The following SORCS1 variants were observed in gnomAD, a reference collection of about 807,000 sequenced individuals.
SORCS1 encodes sortilin related VPS10 domain containing receptor 1, also known as VPS10 domain-containing receptor SorCS1.
SORCS1 carries 60 observed loss-of-function variants against 146.1 expected under a neutral mutation model. The ratio of observed to expected loss-of-function variants is 0.41; its 90% confidence interval spans 0.33 to 0.51. SORCS1 has a LOEUF of 0.51. SORCS1 is among the 20% of genes least tolerant of loss of function. The probability of loss-of-function intolerance (pLI) is 0.21; values close to 1 mark genes in which losing one functional copy is unlikely to be tolerated. For synonymous variants in SORCS1, 637 were observed against 584.0 expected, an observed-to-expected ratio of 1.09 and a Z score of -1.31; for missense variants, 1,352 against 1,487.6, an observed-to-expected ratio of 0.91 and a Z score of 1.50.
intron 3 of SORCS1, among the ~76,000 whole-genome samples, chr10:106,823,801 G>A (rs913804614): frequency 3.3e-5 from 5 of 152,096 alleles, no homozygotes; most frequent in South Asian, 4.1e-4. Context: ...CACTTTCAAG[G>A]TCTAATGATC....
At position 106,893,373 on chromosome 10, in the gene SORCS1, T is replaced by C. The variant is rs115932490; in HGVS notation, c.626+63140A>G. On this transcript the variant is annotated intron_variant, in intron 2 of 25. Coordinates refer to ENST00000263054, the MANE Select transcript of SORCS1 (RefSeq NM_052918.5). ...TTAGCTCAGATTTTATAACAACACA[T>C]ACATTTAACTATATTTATTTTTTAT... Among the ~76,000 whole-genome samples the C allele has an allele frequency of 2.1e-3, 318 of 152,322 alleles. 2 individuals are homozygous for C. The highest frequency in any genetic ancestry group is 7.5e-3 in the African/African-American group (310 of 41,566).
intron 2 of SORCS1, among the ~76,000 whole-genome samples, chr10:106,832,340 C>G (rs538468886): frequency 2.0e-4 from 31 of 152,216 alleles, no homozygotes; most frequent in African/African-American, 7.2e-4. Context: ...AGGCACACAT[C>G]ACCACATCCA....
intron 1 of SORCS1, among the ~76,000 whole-genome samples, chr10:106,983,951 A>C (rs61467062): frequency 0.056 from 8,546 of 152,280 alleles, 769 homozygotes; most frequent in African/African-American, 0.19. Flanking sequence ...CTTGGTATTC[A>C]GAAGTAGGGT....
chr10:106,902,669 A>G (rs1951759566), intron 2 of SORCS1, among the ~76,000 whole-genome samples: 1 of 152,244 alleles, frequency 6.6e-6, no homozygotes, highest in Admixed American at 6.5e-5. Context: ...CATGTATAAA[A>G]TATGCATGCA....
intron 3 of SORCS1, among the ~76,000 whole-genome samples, chr10:106,779,137 G>C (rs996777726): frequency 6.6e-5 from 10 of 152,068 alleles, no homozygotes; most frequent in Non-Finnish European, 1.5e-4. Flanking sequence ...TTGAAAATAG[G>C]CAGACCAAAA....
chr10:107,146,249 C>A (rs1480194820), intron 1 of SORCS1, among the ~76,000 whole-genome samples: 4 of 152,174 alleles, frequency 2.6e-5, no homozygotes, highest in African/African-American at 9.7e-5. Context: ...TAAGGAGAAT[C>A]CTAAGCGTTT....
chr10:107,062,692 G>T (rs528513205), intron 1 of SORCS1, among the ~76,000 whole-genome samples: 1 of 152,060 alleles, frequency 6.6e-6, no homozygotes, highest in Non-Finnish European at 1.5e-5. Context: ...ATTGTGATCC[G>T]ATTTGCAAAG....
intron 3 of SORCS1, among the ~76,000 whole-genome samples, chr10:106,780,626 T>C (rs987133418): frequency 5.9e-5 from 9 of 152,196 alleles, no homozygotes; most frequent in Non-Finnish European, 1.0e-4. Context: ...CCTGCAACAC[T>C]GGGATTTCCA....
intron 1 of SORCS1, among the ~76,000 whole-genome samples, chr10:106,993,240 A>G (rs1457383243): frequency 6.6e-6 from 1 of 152,222 alleles, no homozygotes; most frequent in Non-Finnish European, 1.5e-5. Flanking sequence ...AACCCTACCC[A>G]TACATGTCTT....
At chr10:107,057,925 C>G (rs1178610959) in intron 1 of SORCS1, among the ~76,000 whole-genome samples, 2 of 152,212 alleles carry the variant, frequency 1.3e-5, no homozygotes, top group Non-Finnish European at 1.5e-5. Flanking sequence ...TTCAAGCAAT[C>G]CTGTGGCTGC....
At position 106,576,299 on chromosome 10, in the gene SORCS1, G is replaced by C. The variant is rs762476974; in HGVS notation, c.*1121C>G. 4.6e-5 allele frequency: 7 copies of C among 152,510 alleles called. No homozygotes were observed. The highest frequency in any genetic ancestry group is 1.0e-4 in the Non-Finnish European group (7 of 68,266). The allele number at this position is 152,510 out of a possible 1,614,324, so 9.4% of individuals were successfully genotyped here. A position where few individuals can be genotyped will look rare whatever the true frequency, so the allele number is the denominator to read the frequency against. On this transcript the variant is annotated 3_prime_UTR_variant, in exon 26 of 26. Coordinates refer to ENST00000263054, the MANE Select transcript of SORCS1 (RefSeq NM_052918.5). Reference sequence around the variant, plus strand: ...AGTAGTGGGGGCAGGGGCGGCACAGGCCAGGCCAGTATTTAGGAAACGTCA... The same window carrying C: ...AGTAGTGGGGGCAGGGGCGGCACAGCCCAGGCCAGTATTTAGGAAACGTCA...
intron 18 of SORCS1, among the ~76,000 whole-genome samples, chr10:106,650,245 G>A (rs1402734845): frequency 6.6e-6 from 1 of 152,110 alleles, no homozygotes; most frequent in Non-Finnish European, 1.5e-5. Context: ...CACTCTAATC[G>A]ATTCAGAGAC....
At chr10:106,891,100 T>A (rs1951212234) in intron 2 of SORCS1, among the ~76,000 whole-genome samples, 1 of 152,160 alleles carries the variant, frequency 6.6e-6, no homozygotes, top group Non-Finnish European at 1.5e-5. Flanking sequence ...TCAGGAACAG[T>A]AAAGCAACAT....
At chr10:106,981,407 G>A (rs1253551125) in intron 1 of SORCS1, among the ~76,000 whole-genome samples, 1 of 152,130 alleles carries the variant, frequency 6.6e-6, no homozygotes, top group Admixed American at 6.5e-5. Flanking sequence ...TTTTTTGAGT[G>A]TCTGATGAGA....
chr10:107,164,536 G>A lies in SORCS1; in HGVS notation c.-10C>T, dbSNP rs78906087. The A allele has an allele frequency of 9.8e-3, 13,249 of 1,345,166 alleles. 83 individuals are homozygous for A. The highest frequency in any genetic ancestry group is 0.01 in the Non-Finnish European group (11,008 of 1,055,958). The allele number at this position is 1,345,166 out of a possible 1,614,324, so 83.3% of individuals were successfully genotyped here. On this transcript the variant is annotated 5_prime_UTR_variant, in exon 1 of 26. Coordinates refer to ENST00000263054, the MANE Select transcript of SORCS1 (RefSeq NM_052918.5). The surrounding 1 kb of genome is among the most constrained non-coding windows in gnomAD (Gnocchi z 6.8). The stretch of plus-strand genomic sequence containing the variant: ...CGCCAACTTTTCCCATCGCGGGAGC[G>A]AAGAGCAGCGGAGAGAGGGGTCCCA...
At chr10:106,955,186 C>T (rs1208349862) in intron 2 of SORCS1, among the ~76,000 whole-genome samples, 2 of 152,232 alleles carry the variant, frequency 1.3e-5, no homozygotes, top group African/African-American at 4.8e-5. Context: ...ACCTCGGCTC[C>T]CCAAGCCAGG....
intron 4 of SORCS1, among the ~76,000 whole-genome samples, chr10:106,772,711 A>G (rs1385117016): frequency 1.3e-5 from 2 of 152,172 alleles, no homozygotes; most frequent in African/African-American, 4.8e-5. Flanking sequence ...CTCCCATAGG[A>G]CTGATATCCA....
chr10:106,654,548 C>T (rs1445149176), intron 17 of SORCS1, among the ~76,000 whole-genome samples: 1 of 152,188 alleles, frequency 6.6e-6, no homozygotes, highest in African/African-American at 2.4e-5. Flanking sequence ...TGAGGGCCTC[C>T]TTGTGTTCCA....
intron 8 of SORCS1, among the ~76,000 whole-genome samples, chr10:106,706,209 AAAAG>A (rs944586008): frequency 8.8e-4 from 132 of 149,764 alleles, no homozygotes; most frequent in African/African-American, 3.0e-3. Context: ...AAAGAAAGAA[AAAAG>A]AAAGAAAGAG....
Sources: allele counts gnomAD v4.1 joint callset (sites outside exome capture counted in the v4.1 genomes callset), GRCh38; gene constraint gnomAD v4.1.1; non-coding constraint Gnocchi (gnomAD v3.1); transcripts MANE v1.5; gene names NCBI Gene and HGNC (gene_info 2026-07-23, HGNC 2026-07-21).